ADPRM: variants seen among roughly 807,000 people sequenced by gnomAD.
ADPRM encodes the protein manganese-dependent ADP-ribose/CDP-alcohol diphosphatase.
ADPRM carries 17 observed loss-of-function variants against 27.2 expected under a neutral mutation model. The observed-to-expected ratio is 0.63, with a 90% confidence interval of 0.43 to 0.94. The LOEUF is 0.94. Ranked by LOEUF, ADPRM falls within the 40% of genes least tolerant of loss-of-function variation. The pLI is 0.00. For synonymous variants in ADPRM, 135 were observed against 145.3 expected (o/e 0.93, Z 0.51); for missense variants, 337 against 412.8 (o/e 0.82, Z 1.59).
rs1408688392 is a variant in ADPRM, at chr17:10,704,997, C to G, written c.71C>G (p.Ala24Gly). Residue 24 changes from alanine to glycine, a missense_variant, in exon 2 of 4, where the codon GCA becomes GGA. Transcript: ENST00000379774. ...CGTCTTTTCTCCTTTGGCGTCATCGCAGATGTTCAATTTGCAGACTTAGAA... is the reference window on the plus strand; with the variant it reads ...CGTCTTTTCTCCTTTGGCGTCATCGGAGATGTTCAATTTGCAGACTTAGAA... ...SERLFSFGVI[A>G]DVQFADLEDG... is the part of the protein sequence containing the mutation. The G allele has an allele frequency of 6.2e-7, 1 of 1,614,156 alleles. No individual in the cohort carries two copies. The highest frequency in any genetic ancestry group is 1.1e-5 in the South Asian group (1 of 91,074).
chr17:10,708,428 TC>T (rs2074828545), intron 3 of ADPRM, among the ~76,000 whole-genome samples: 1 of 19,586 alleles, frequency 5.1e-5, no homozygotes, highest in African/African-American at 4.3e-4. Context: ...AAACTCCGTC[TC>T]AAAAAAAAAA....
chr17:10,708,740 T>C (rs185693372), intron 3 of ADPRM, among the ~76,000 whole-genome samples: 490 of 152,358 alleles, frequency 3.2e-3, no homozygotes, highest in African/African-American at 0.011. Flanking sequence ...TCTCAGCCTG[T>C]TCTGGAGCTG....
intron 1 of ADPRM, among the ~76,000 whole-genome samples, chr17:10,701,651 C>T (rs1567579340): frequency 6.6e-6 from 1 of 152,142 alleles, no homozygotes; most frequent in Non-Finnish European, 1.5e-5. Flanking sequence ...TTTAAACACA[C>T]ATAAAAGTAG....
intron 2 of ADPRM, 115 bp from the exon 3 acceptor site, chr17:10,706,323 G>A: frequency 3.0e-6 from 2 of 666,428 alleles, no homozygotes; most frequent in South Asian, 1.8e-5. Context: ...TAAGTTGATT[G>A]TTGCTAATCA....
intron 1 of ADPRM, among the ~76,000 whole-genome samples, chr17:10,701,317 T>A (rs1340763327): frequency 6.6e-6 from 1 of 151,726 alleles, no homozygotes; most frequent in Non-Finnish European, 1.5e-5. Flanking sequence ...TTTTCTTTTT[T>A]AAAAAAACTT....
chr17:10,698,668 T>C (rs1490369337), intron 1 of ADPRM, among the ~76,000 whole-genome samples: 2 of 152,240 alleles, frequency 1.3e-5, no homozygotes. Context: ...AACTGTTCTG[T>C]TCTCTAACCC....
intron 2 of ADPRM, 47 bp from the exon 3 acceptor site, chr17:10,706,391 G>A: frequency 7.4e-7 from 1 of 1,348,760 alleles, no homozygotes; most frequent in Non-Finnish European, 1.0e-6. Context: ...ATGTCCAAAT[G>A]AGGGGAAAAA....
Position 10,705,750 on chromosome 17 carries a change from G to A in ADPRM, c.601+223G>A, listed in dbSNP as rs1597516213. On this transcript the variant is annotated intron_variant, in intron 2 of 3. Transcript: ENST00000379774. The surrounding 1 kb of genome is among the most constrained non-coding windows in gnomAD (Gnocchi z 5.4). ...TTTAGGCCAGGCACTTTTTCTAGGG[G>A]TAGATATTCCGAGCTGTAAACAATA... is the stretch of plus-strand genomic sequence containing the variant. The A allele has an allele frequency of 1.6e-6, 1 of 636,618 alleles. No homozygotes were observed. Among genetic ancestry groups the A allele is most frequent in the African/African-American group, 1.8e-5 (1 of 54,552 alleles). 39.4% of individuals were successfully genotyped at this position (636,618 alleles called of 1,614,324 possible). A position where few individuals can be genotyped will look rare whatever the true frequency, so the allele number is the denominator to read the frequency against.
rs2074783103 is a variant in ADPRM, at chr17:10,702,150, CT to C, written c.-17-2758del. Reference sequence around the variant, plus strand: ...CTGAAAAAGTCCGAAATCTAAAACACTTCTGGTCCCAAGCATTTTGGATAAG... The same window carrying C: ...CTGAAAAAGTCCGAAATCTAAAACACTCTGGTCCCAAGCATTTTGGATAAG... On this transcript the variant is annotated intron_variant, in intron 1 of 3. Coordinates refer to ENST00000379774, the MANE Select transcript of ADPRM (RefSeq NM_020233.5). The surrounding 1 kb of genome is among the most constrained non-coding windows in gnomAD (Gnocchi z 4.2). Among the ~76,000 whole-genome samples the C allele has an allele frequency of 6.6e-6, 1 of 152,206 alleles. No homozygotes were observed. Among genetic ancestry groups the C allele is most frequent in the African/African-American group, 2.4e-5 (1 of 41,442 alleles).
chr17:10,706,951 T>G (rs1409985817), intron 3 of ADPRM, among the ~76,000 whole-genome samples: 2 of 152,184 alleles, frequency 1.3e-5, no homozygotes, highest in Non-Finnish European at 2.9e-5. Context: ...AACATTAACA[T>G]TTTGTAAAAC....
rs118080120 is a variant in ADPRM at position 10,711,320 on chromosome 17, C to A, written c.*176C>A. ...GAAATGTTATTTTGGATCATGTATC[C>A]ATTGTAAGTTAGAAACAAACCAGGG... On this transcript the variant is annotated 3_prime_UTR_variant, in exon 4 of 4. Coordinates refer to ENST00000379774, the MANE Select transcript of ADPRM (RefSeq NM_020233.5). 296 of 630,656 alleles carry A rather than the reference C, an allele frequency of 4.7e-4. 7 individuals are homozygous for A. In the East Asian group the frequency reaches 6.9e-3, roughly 15 times the overall value. The allele number at this position is 630,656 out of a possible 1,614,324, so 39.1% of individuals were successfully genotyped here.
At chr17:10,710,726 AG>A (rs2074846347) in intron 3 of ADPRM, 107 bp from the exon 4 acceptor site, 1 of 951,278 alleles carries the variant, frequency 1.1e-6, no homozygotes, top group Non-Finnish European at 1.5e-6. Flanking sequence ...TTGCATAATG[AG>A]ATAGCAATTT....
chr17:10,706,614 TA>T, intron 3 of ADPRM, 60 bp downstream of exon 3: 1 of 1,169,338 alleles, frequency 8.6e-7, no homozygotes, highest in Non-Finnish European at 1.2e-6. Context: ...AGTTAGGCGT[TA>T]AAGCATACTA....
Position 10,707,396 on chromosome 17 carries a change from A to C in ADPRM, c.718+842A>C, listed in dbSNP as rs531328768. 9.2e-5 allele frequency among the ~76,000 whole-genome samples: 14 copies of C among 152,200 alleles called. No homozygotes were observed. In the South Asian group the frequency reaches 2.5e-3, roughly 27 times the overall value. On this transcript the variant is annotated intron_variant, in intron 3 of 3. Coordinates refer to ENST00000379774, the MANE Select transcript of ADPRM (RefSeq NM_020233.5). ...CTCAAAAATAAATAAATAAATACAT[A>C]AATAAATAAAACCAAGCACAAACAA...
Position 10,705,213 on chromosome 17 carries a change from T to C in ADPRM, c.287T>C (p.Met96Thr). ...SKKSLELVMD[M>T]FKRLKVPVHH... The stretch of plus-strand genomic sequence containing the variant: ...AAGTCCCTAGAACTTGTTATGGACA[T>C]GTTCAAGAGGCTTAAAGTTCCAGTT... Residue 96 changes from methionine to threonine, a missense_variant, in exon 2 of 4, where the codon ATG (methionine) becomes ACG (threonine). Physicochemically the swap from Met to Thr is moderately conservative, Grantham distance 81. Coordinates refer to ENST00000379774, the MANE Select transcript of ADPRM (RefSeq NM_020233.5). This position sits in a 1 kb window ranked among gnomAD's most constrained non-coding sequence, Gnocchi z 5.4. 6.2e-7 allele frequency: 1 copy of C among 1,614,118 alleles called. No individual in the cohort carries two copies. The highest frequency in any genetic ancestry group is 2.2e-5 in the East Asian group (1 of 44,878).
chr17:10,697,743 G>GGGGCCGCGGGACAGCGGAGCC (rs1567578069), intron 1 of ADPRM, 76 bp downstream of exon 1: 2 of 606,484 alleles, frequency 3.3e-6, no homozygotes, highest in Admixed American at 5.7e-5. Context: ...ACAGCGGAGC[G>GGGGCCGCGGGACAGCGGAGCC]CCGGGAAGGG....
chr17:10,704,174 TCAAAAA>T (rs557770971), intron 1 of ADPRM, among the ~76,000 whole-genome samples: 1 of 151,680 alleles, frequency 6.6e-6, no homozygotes, highest in African/African-American at 2.4e-5. Flanking sequence ...TGAGACCCTG[TCAAAAA>T]CAAAAACAAA....
intron 3 of ADPRM, among the ~76,000 whole-genome samples, chr17:10,708,429 C>CA (rs1206878055): frequency 0.02 from 587 of 29,844 alleles, 7 homozygotes; most frequent in Middle Eastern, 0.045. Flanking sequence ...AACTCCGTCT[C>CA]AAAAAAAAAA....
rs118080120 is a variant in ADPRM at position 10,711,320 on chromosome 17, C to T, written c.*176C>T. ...GAAATGTTATTTTGGATCATGTATCCATTGTAAGTTAGAAACAAACCAGGG... is the reference window on the plus strand; with the variant it reads ...GAAATGTTATTTTGGATCATGTATCTATTGTAAGTTAGAAACAAACCAGGG... On this transcript the variant is annotated 3_prime_UTR_variant, in exon 4 of 4. Coordinates refer to ENST00000379774, the MANE Select transcript of ADPRM (RefSeq NM_020233.5). 3.2e-6 allele frequency: 2 copies of T among 630,658 alleles called. No homozygotes were observed. Among genetic ancestry groups the T allele is most frequent in the Non-Finnish European group, 5.3e-6 (2 of 374,974 alleles). 39.1% of individuals were successfully genotyped at this position (630,658 alleles called of 1,614,324 possible).
Sources: allele counts gnomAD v4.1 joint callset (sites outside exome capture counted in the v4.1 genomes callset), GRCh38; gene constraint gnomAD v4.1.1; non-coding constraint Gnocchi (gnomAD v3.1); transcripts MANE v1.5; gene names NCBI Gene and HGNC (gene_info 2026-07-23, HGNC 2026-07-21).